LRRN3: variants seen among roughly 807,000 people sequenced by gnomAD.
LRRN3 encodes the protein leucine-rich repeat neuronal protein 3.
In LRRN3, 15 loss-of-function variants were observed where a neutral mutation model predicts 40.1. The observed-to-expected ratio is 0.37, with a 90% CI of 0.25 to 0.58. The LOEUF (loss-of-function observed/expected upper bound fraction) is 0.58, where lower values mean the gene tolerates loss of function less well. Among genes scored for constraint, LRRN3 ranks in the 20% least tolerant of loss-of-function variants. The probability of loss-of-function intolerance (pLI) is 0.72; values close to 1 mark genes in which losing one functional copy is unlikely to be tolerated. For missense variants in LRRN3, 746 were observed against 837.7 expected (o/e 0.89, Z 1.35); for synonymous variants, 308 against 297.2 (o/e 1.04, Z -0.37).
chr7:111,120,552 C>T lies in LRRN3; in HGVS notation c.-358-1863C>T, dbSNP rs146599591. 5.3e-4 allele frequency among the ~76,000 whole-genome samples: 81 copies of T among 152,212 alleles called. 1 individual carries two copies. In the East Asian group the frequency reaches 0.015, roughly 28 times the overall value. On this transcript the variant is annotated intron_variant, in intron 2 of 2. Coordinates refer to ENST00000308478, the MANE Select transcript of LRRN3 (RefSeq NM_001099658.2). ...AGATTTGGGCGGGGACACAGCCAAA[C>T]CATATCAGTGATGTAATAAAATTGT...
chr7:111,119,217 G>C (rs1279432724), intron 2 of LRRN3, among the ~76,000 whole-genome samples: 1 of 152,154 alleles, frequency 6.6e-6, no homozygotes, highest in African/African-American at 2.4e-5. Flanking sequence ...AATGCAATTG[G>C]ACTTTGTACC....
intron 2 of LRRN3, among the ~76,000 whole-genome samples, chr7:111,109,915 C>G (rs1799000231): frequency 6.6e-6 from 1 of 152,118 alleles, no homozygotes; most frequent in Non-Finnish European, 1.5e-5. Flanking sequence ...GTGGGCGGAT[C>G]ACAAGGTCAG....
intron 2 of LRRN3, among the ~76,000 whole-genome samples, chr7:111,109,534 T>C (rs916430914): frequency 1.3e-5 from 2 of 152,110 alleles, no homozygotes; most frequent in African/African-American, 4.8e-5. Flanking sequence ...AAAGCTTTAT[T>C]ACACAGAGCT....
At chr7:111,120,403 A>G (rs1800448955) in intron 2 of LRRN3, among the ~76,000 whole-genome samples, 1 of 152,116 alleles carries the variant, frequency 6.6e-6, no homozygotes, top group South Asian at 2.1e-4. Context: ...CTATAAAAAC[A>G]TCAGATCTCC....
intron 2 of LRRN3, among the ~76,000 whole-genome samples, chr7:111,103,919 C>A (rs942558034): frequency 1.3e-4 from 19 of 151,492 alleles, no homozygotes; most frequent in South Asian, 2.1e-4. Context: ...TATTGAACAC[C>A]ATTTTGAGAG....
chr7:111,095,512 T>C (rs1258522461), intron 1 of LRRN3, among the ~76,000 whole-genome samples: 1 of 152,030 alleles, frequency 6.6e-6, no homozygotes, highest in African/African-American at 2.4e-5. Flanking sequence ...TATTCAATAA[T>C]AGAAGCAACG....
At chr7:111,122,056 A>G in intron 2 of LRRN3, among the ~76,000 whole-genome samples, 1 of 138,300 alleles carries the variant, frequency 7.2e-6, no homozygotes, top group African/African-American at 2.6e-5. Context: ...AGGAAGGGGA[A>G]CATCACACAC....
intron 2 of LRRN3, among the ~76,000 whole-genome samples, chr7:111,121,875 A>C (rs913505164): frequency 9.9e-5 from 15 of 152,190 alleles, no homozygotes; most frequent in African/African-American, 3.6e-4. Flanking sequence ...TGGCAAATAT[A>C]CACCATGGAA....
chr7:111,121,200 GTTGT>G (rs1486185705), intron 2 of LRRN3, among the ~76,000 whole-genome samples: 38 of 152,142 alleles, frequency 2.5e-4, no homozygotes, highest in African/African-American at 8.9e-4. Flanking sequence ...TTTTGATGGG[GTTGT>G]TTGTTTTTTT....
chr7:111,118,288 T>C (rs1454581070), intron 2 of LRRN3, among the ~76,000 whole-genome samples: 1 of 152,080 alleles, frequency 6.6e-6, no homozygotes, highest in Non-Finnish European at 1.5e-5. Flanking sequence ...TCATAAATGA[T>C]GAAAAACAGA....
intron 2 of LRRN3, among the ~76,000 whole-genome samples, chr7:111,104,117 G>C (rs758527618): frequency 6.6e-6 from 1 of 151,720 alleles, no homozygotes; most frequent in East Asian, 1.9e-4. Context: ...CTATATTCAG[G>C]CAACTTTTTT....
intron 1 of LRRN3, among the ~76,000 whole-genome samples, chr7:111,091,830 G>C (rs1047240944): frequency 1.3e-5 from 2 of 152,012 alleles, no homozygotes; most frequent in African/African-American, 4.8e-5. Flanking sequence ...GGGGAGAAGA[G>C]AGGAGGAGAG....
chr7:111,098,102 A>C (rs1468821351), intron 1 of LRRN3, among the ~76,000 whole-genome samples: 1 of 151,844 alleles, frequency 6.6e-6, no homozygotes, highest in Non-Finnish European at 1.5e-5. Context: ...TAAACTTTGA[A>C]AGCTCTATTC....
At chr7:111,092,887 A>T (rs1563233467) in intron 1 of LRRN3, among the ~76,000 whole-genome samples, 1 of 152,262 alleles carries the variant, frequency 6.6e-6, no homozygotes, top group East Asian at 1.9e-4. Flanking sequence ...AGTTCAACTA[A>T]CCACACAGTT....
chr7:111,117,227 C>T (rs908016025), intron 2 of LRRN3, among the ~76,000 whole-genome samples: 1 of 152,044 alleles, frequency 6.6e-6, no homozygotes, highest in African/African-American at 2.4e-5. Flanking sequence ...TGAGTTTACA[C>T]ACATTCAATT....
At chr7:111,096,074 G>C (rs574963270) in intron 1 of LRRN3, among the ~76,000 whole-genome samples, 2 of 152,056 alleles carry the variant, frequency 1.3e-5, no homozygotes, top group South Asian at 2.1e-4. Flanking sequence ...GACTCAACTT[G>C]TAAGAAGGAT....
chr7:111,093,281 C>G (rs1797056052), intron 1 of LRRN3, among the ~76,000 whole-genome samples: 1 of 152,068 alleles, frequency 6.6e-6, no homozygotes, highest in South Asian at 2.1e-4. Context: ...CACATGCAAT[C>G]TATAAAAAAA....
chr7:111,097,900 G>T (rs1174854642), intron 1 of LRRN3, among the ~76,000 whole-genome samples: 1 of 151,658 alleles, frequency 6.6e-6, no homozygotes, highest in African/African-American at 2.4e-5. Flanking sequence ...TTTCTACAAA[G>T]GCCAAGGGGT....
At chr7:111,120,880 G>A (rs935419648) in intron 2 of LRRN3, among the ~76,000 whole-genome samples, 2 of 151,590 alleles carry the variant, frequency 1.3e-5, no homozygotes, top group Admixed American at 6.6e-5. Context: ...AACTCATTTG[G>A]TTGTAAGTGA....
Sources: allele counts gnomAD v4.1 joint callset (sites outside exome capture counted in the v4.1 genomes callset), GRCh38; gene constraint gnomAD v4.1.1; transcripts MANE v1.5; gene names NCBI Gene and HGNC (gene_info 2026-07-23, HGNC 2026-07-21).